EXOC4: variants seen among roughly 807,000 people sequenced by gnomAD.
The protein encoded by EXOC4 is exocyst complex component 4, also known as SEC8-like 1.
A neutral mutation model predicts 107.2 loss-of-function variants in EXOC4; 71 were observed. The ratio of observed to expected loss-of-function variants is 0.66; its 90% CI spans 0.55 to 0.81. EXOC4 has a LOEUF of 0.81. Among genes scored for constraint, EXOC4 ranks in the 30% least tolerant of loss-of-function variants. The pLI is 0.00. For missense variants in EXOC4, 1,108 were observed against 1,189.6 expected, an observed-to-expected ratio of 0.93 and a Z score of 1.01; for synonymous variants, 456 against 441.2, an observed-to-expected ratio of 1.03 and a Z score of -0.42.
intron 12 of EXOC4, among the ~76,000 whole-genome samples, chr7:133,905,056 G>A (rs1489413195): frequency 4.6e-5 from 7 of 152,114 alleles, no homozygotes; most frequent in Admixed American, 4.6e-4. Context: ...ATCCAAAATG[G>A]TATAACACTG....
At chr7:133,539,495 C>T (rs1403222029) in intron 9 of EXOC4, among the ~76,000 whole-genome samples, 4 of 151,716 alleles carry the variant, frequency 2.6e-5, no homozygotes, top group Non-Finnish European at 5.9e-5. Flanking sequence ...TGATTGTTAA[C>T]AGAGTTCTAG....
At chr7:133,402,661 G>A (rs770423761) in intron 7 of EXOC4, among the ~76,000 whole-genome samples, 3 of 152,072 alleles carry the variant, frequency 2.0e-5, no homozygotes, top group Admixed American at 6.5e-5. Flanking sequence ...ACCACACCCA[G>A]CTAATTTTGT....
intron 7 of EXOC4, among the ~76,000 whole-genome samples, chr7:133,444,535 A>C (rs1347565087): frequency 2.6e-5 from 4 of 152,202 alleles, no homozygotes. Context: ...AACTACACAC[A>C]TAGGGTAATT....
chr7:133,636,787 T>TATAA (rs1341809056), intron 10 of EXOC4, among the ~76,000 whole-genome samples: 1 of 152,134 alleles, frequency 6.6e-6, no homozygotes, highest in East Asian at 1.9e-4. Context: ...AAAAGTGAAA[T>TATAA]ATTTATTGGT....
At chr7:133,856,954 A>C (rs1169029843) in intron 11 of EXOC4, among the ~76,000 whole-genome samples, 4 of 150,104 alleles carry the variant, frequency 2.7e-5, no homozygotes, top group African/African-American at 9.8e-5. Flanking sequence ...CAAAAAAATT[A>C]GGCCTGGTGG....
intron 7 of EXOC4, among the ~76,000 whole-genome samples, chr7:133,418,545 G>A (rs1393995799): frequency 2.0e-5 from 3 of 152,200 alleles, no homozygotes; most frequent in African/African-American, 7.2e-5. Context: ...AAATGGGTCA[G>A]TGCATTGATT....
chr7:133,328,254 GT>G (rs201019321), intron 5 of EXOC4, among the ~76,000 whole-genome samples: 8 of 147,538 alleles, frequency 5.4e-5, no homozygotes, highest in South Asian at 2.1e-4. Flanking sequence ...TGCAACCCCT[GT>G]TTTTTTTTTG....
At chr7:134,042,084 G>A (rs1795533698) in intron 17 of EXOC4, among the ~76,000 whole-genome samples, 1 of 152,000 alleles carries the variant, frequency 6.6e-6, no homozygotes, top group Admixed American at 6.6e-5. Flanking sequence ...CATTGAGAAA[G>A]CTCAGCGAGC....
At chr7:133,881,312 A>T (rs1798962984) in intron 11 of EXOC4, among the ~76,000 whole-genome samples, 1 of 145,222 alleles carries the variant, frequency 6.9e-6, no homozygotes, top group Non-Finnish European at 1.5e-5. Context: ...AGCCATGAAC[A>T]ACCACTCTCA....
intron 10 of EXOC4, among the ~76,000 whole-genome samples, chr7:133,681,209 T>C (rs1391369157): frequency 6.6e-6 from 1 of 152,234 alleles, no homozygotes; most frequent in African/African-American, 2.4e-5. Flanking sequence ...AAGAATTGTT[T>C]GTGCTGTTGT....
At chr7:133,657,532 G>A (rs7793834) in intron 10 of EXOC4, among the ~76,000 whole-genome samples, 5 of 152,158 alleles carry the variant, frequency 3.3e-5, no homozygotes, top group South Asian at 2.1e-4. Context: ...AGTGGTGTGC[G>A]TGCTTTTTGA....
intron 5 of EXOC4, among the ~76,000 whole-genome samples, chr7:133,336,013 C>G (rs897545720): frequency 6.6e-6 from 1 of 152,136 alleles, no homozygotes; most frequent in Non-Finnish European, 1.5e-5. Flanking sequence ...TACTCAAGTC[C>G]TTTGCCCATT....
chr7:133,906,691 C>T (rs1436958786), intron 12 of EXOC4, among the ~76,000 whole-genome samples: 3 of 152,210 alleles, frequency 2.0e-5, no homozygotes, highest in East Asian at 1.9e-4. Flanking sequence ...TCGCTGTCCA[C>T]TACCGCTGTT....
At chr7:133,521,581 A>G (rs1317306248) in intron 9 of EXOC4, among the ~76,000 whole-genome samples, 1 of 151,696 alleles carries the variant, frequency 6.6e-6, no homozygotes, top group Non-Finnish European at 1.5e-5. Flanking sequence ...TGTATTTATT[A>G]TTTGTGATTC....
chr7:133,636,870 T>C (rs894265621), intron 10 of EXOC4, among the ~76,000 whole-genome samples: 3 of 152,220 alleles, frequency 2.0e-5, no homozygotes, highest in Admixed American at 2.0e-4. Flanking sequence ...CTTTTGGTGA[T>C]AGACAGTATG....
At chr7:133,437,209 A>G (rs2150784883) in intron 7 of EXOC4, among the ~76,000 whole-genome samples, 1 of 152,238 alleles carries the variant, frequency 6.6e-6, no homozygotes, top group East Asian at 1.9e-4. Context: ...TAGTTTCTCA[A>G]ATTTACTATA....
chr7:133,471,723 GTTCA>G (rs1798884390), intron 7 of EXOC4, among the ~76,000 whole-genome samples: 1 of 151,974 alleles, frequency 6.6e-6, no homozygotes, highest in African/African-American at 2.4e-5. Context: ...TTTTTAAAAA[GTTCA>G]GCAATTTGTT....
chr7:133,516,757 C>CCTTTTTTTTTTTTTTTTTTT (rs1563093913), intron 9 of EXOC4, among the ~76,000 whole-genome samples: 1 of 5,290 alleles, frequency 1.9e-4, no homozygotes, highest in Non-Finnish European at 4.2e-4. Flanking sequence ...ACTAGCTGCT[C>CCTTTTTTTTTTTTTTTTTTT]ATTTTTTTTT....
chr7:133,580,528 A>G (rs566958535), intron 9 of EXOC4, among the ~76,000 whole-genome samples: 41 of 152,226 alleles, frequency 2.7e-4, no homozygotes, highest in Non-Finnish European at 5.4e-4. Flanking sequence ...TAATATATTG[A>G]TTTTTAAGTT....
Sources: gnomAD v4.1 joint callset for allele counts (sites outside exome capture counted in the v4.1 genomes callset) on GRCh38, gnomAD v4.1.1 for gene constraint, MANE v1.5 for transcripts, NCBI Gene and HGNC (gene_info 2026-07-23, HGNC 2026-07-21) for gene names.